CNTNAP1: variants seen among roughly 807,000 people sequenced by gnomAD.
The protein encoded by CNTNAP1 is contactin associated protein 1.
A neutral mutation model predicts 161.5 loss-of-function variants in CNTNAP1; 80 were observed. The ratio of observed to expected loss-of-function variants is 0.50; its 90% confidence interval spans 0.41 to 0.60. The LOEUF is 0.60. CNTNAP1 is among the 20% of genes least tolerant of loss of function. The pLI, the probability that CNTNAP1 is intolerant of heterozygous loss-of-function variation, is 0.00. For missense variants in CNTNAP1, 1,464 were observed against 1,854.8 expected, an observed-to-expected ratio of 0.79 and a Z score of 3.87; for synonymous variants, 695 against 733.1, an observed-to-expected ratio of 0.95 and a Z score of 0.84.
Position 42,689,044 on chromosome 17 carries a change from A to T in CNTNAP1, c.1625A>T (p.Asp542Val). Residue 542 changes from aspartate to valine, a missense_variant, in exon 10 of 24, where the codon GAT becomes GTT. Coordinates refer to ENST00000264638, the MANE Select transcript of CNTNAP1 (RefSeq NM_003632.3). The part of the protein sequence containing the change: ...EVLFDTCGIT[D>V]RCSPNMCEHD... The stretch of plus-strand genomic sequence containing the variant: ...CTCTTTGATACATGTGGCATCACTG[A>T]TAGGTACCCAGAAGCCCCTAACAAG... The T allele has an allele frequency of 6.4e-7, 1 of 1,572,252 alleles. No homozygotes were observed. The highest frequency in any genetic ancestry group is 8.6e-7 in the Non-Finnish European group (1 of 1,157,126).
intron 6 of CNTNAP1, among the ~76,000 whole-genome samples, chr17:42,686,605 C>T (rs1033221111): frequency 2.0e-5 from 3 of 150,214 alleles, no homozygotes; most frequent in Non-Finnish European, 4.4e-5. Flanking sequence ...AAATTGTTCC[C>T]TTGGATCCTC....
intron 20 of CNTNAP1, 51 bp from the exon 21 acceptor site, chr17:42,697,223 C>T (rs371907134): frequency 1.5e-6 from 2 of 1,313,744 alleles, no homozygotes; most frequent in Non-Finnish European, 2.2e-6. Flanking sequence ...CAGGCATCTG[C>T]TTCTGGTCCC....
chr17:42,683,412 G>T, intron 1 of CNTNAP1: 1 of 1,091,850 alleles, frequency 9.2e-7, no homozygotes. Flanking sequence ...TGGGTGCAAG[G>T]CCTGTATTTG....
At chr17:42,697,857 T>C (rs1225776307) in intron 22 of CNTNAP1, 46 bp from the exon 23 acceptor site, 1 of 1,614,204 alleles carries the variant, frequency 6.2e-7, no homozygotes, top group Admixed American at 1.7e-5. Context: ...GGAATGATTC[T>C]TAACATGGAG....
In CNTNAP1 at chr17:42,695,885, CCGGGCTCTCT is replaced by C. The variant is rs1313036635; in HGVS notation, c.3346+13_3346+22del. ...TCATCAAGGATGATGGTAAGCTCTC[CCGGGCTCTCT>C]CACCCCACTCCAGCTTCACCCCGGT... is the stretch of plus-strand genomic sequence containing the variant. On this transcript the variant is annotated intron_variant, in intron 19 of 23. Transcript: ENST00000264638. The C allele has an allele frequency of 6.2e-7, 1 of 1,606,288 alleles. No homozygotes were observed.
rs144659252 is a variant in CNTNAP1, at chr17:42,692,636, C to G, written c.2668C>G (p.Arg890Gly). The G allele has an allele frequency of 2.5e-6, 4 of 1,614,216 alleles. No homozygotes were observed. The highest frequency in any genetic ancestry group is 3.4e-6 in the Non-Finnish European group (4 of 1,180,050). The part of the protein sequence containing the change: ...AEINVKQARL[R>G]VDHRPWVLRP... The stretch of plus-strand genomic sequence containing the variant: ...AATCAACGTGAAGCAGGCCCGGCTC[C>G]GAGTGGATCACCGGCCCTGGGTTCT... Residue 890 changes from arginine (R) to glycine (G), a missense_variant, in exon 17 of 24, where the codon CGA becomes GGA. Coordinates refer to ENST00000264638, the MANE Select transcript of CNTNAP1 (RefSeq NM_003632.3).
chr17:42,691,570 C>T lies in CNTNAP1; in HGVS notation c.2344+59C>T, dbSNP rs1158314686. ...GAGCTGACTCTCCAGTTTCCAAAATCTAGGCCGCATGTCACTGGTGGTCTC... is the reference window on the plus strand; with the variant it reads ...GAGCTGACTCTCCAGTTTCCAAAATTTAGGCCGCATGTCACTGGTGGTCTC... On this transcript the variant is annotated intron_variant, in intron 15 of 23. Transcript: ENST00000264638. The surrounding 1 kb of genome is among the most constrained non-coding windows in gnomAD (Gnocchi z 4.3). The T allele has an allele frequency of 7.5e-6, 12 of 1,602,804 alleles. No homozygotes were observed. Among genetic ancestry groups the T allele is most frequent in the Admixed American group, 1.7e-5 (1 of 59,120 alleles).
At chr17:42,686,811 T>G in intron 6 of CNTNAP1, 92 bp from the exon 7 acceptor site, 1 of 1,412,582 alleles carries the variant, frequency 7.1e-7, no homozygotes, top group Admixed American at 2.2e-5. Context: ...CAAAACCCCA[T>G]CTGGCATTTG....
chr17:42,698,627 C>A lies in CNTNAP1; in HGVS notation c.3872C>A (p.Ala1291Asp). The A allele has an allele frequency of 6.3e-7, 1 of 1,595,430 alleles. No homozygotes were observed. Among genetic ancestry groups the A allele is most frequent in the Non-Finnish European group, 8.6e-7 (1 of 1,166,954 alleles). The change falls in exon 24 of 24, where the codon GCC becomes GAC. Residue 1291 changes from alanine (A) to aspartate (D), a missense_variant. This residue lies in a region of CNTNAP1 where 1,383 missense variants were observed against 1,765.0 expected (regional missense o/e 0.78). Transcript: ENST00000264638. ...WVAILLGFLV[A>D]FLLLGLVGML... is the part of the protein sequence containing the mutation. The stretch of plus-strand genomic sequence containing the variant: ...CTTTTCTTCTTTTCAGTTTTGGTGG[C>A]CTTTCTGCTGCTGGGGCTGGTGGGA...
rs1340417620 is a variant in CNTNAP1, at chr17:42,686,082, G to A, written c.841G>A (p.Gly281Ser). The change falls in exon 6 of 24, where the codon GGC becomes AGC. Residue 281 changes from glycine to serine, a missense_variant. This residue lies in a region of CNTNAP1 where 1,383 missense variants were observed against 1,765.0 expected (regional missense o/e 0.78). Transcript: ENST00000264638. ...CCGCGATGTAAATTTCACCCTGGAC[G>A]GCTATGTGCAGCGCTTTATTCTCAA... Reference protein sequence around the residue: ...FGRDVNFTLDGYVQRFILNGD... With the variant: ...FGRDVNFTLDSYVQRFILNGD... The A allele has an allele frequency of 5.6e-6, 9 of 1,614,092 alleles. No individual in the cohort carries two copies. Among genetic ancestry groups the A allele is most frequent in the East Asian group, 2.2e-5 (1 of 44,902 alleles).
Position 42,687,157 on chromosome 17 carries a change from T to A in CNTNAP1, c.1044+111T>A, listed in dbSNP as rs2053028880. 4.2e-6 allele frequency: 6 copies of A among 1,442,304 alleles called. No homozygotes were observed. The South Asian group carries it at 7.9e-5, about 19-fold the overall frequency. The allele number at this position is 1,442,304 out of a possible 1,614,324, so 89.3% of individuals were successfully genotyped here. A position where few individuals can be genotyped will look rare whatever the true frequency, so the allele number is the denominator to read the frequency against. On this transcript the variant is annotated intron_variant, in intron 7 of 23. Transcript: ENST00000264638. This position sits in a 1 kb window ranked among gnomAD's most constrained non-coding sequence, Gnocchi z 4.7. ...CAGATAAAAGCGGAGAATCCCTCTG[T>A]CCCCAGCCAGATGCTCAAGTTGGGA...
intron 12 of CNTNAP1, among the ~76,000 whole-genome samples, chr17:42,690,513 G>T (rs2053071008): frequency 8.0e-6 from 1 of 124,808 alleles, no homozygotes; most frequent in East Asian, 2.3e-4. Context: ...AACAGAGCGA[G>T]ACTTCATCTC....
At position 42,696,132 on chromosome 17, in the gene CNTNAP1, T is replaced by G. The variant is rs1410422291; in HGVS notation, c.3454T>G (p.Tyr1152Asp). 6.2e-7 allele frequency: 1 copy of G among 1,614,172 alleles called. No individual in the cohort carries two copies. The highest frequency in any genetic ancestry group is 1.7e-5 in the Admixed American group (1 of 60,018). Reference sequence around the variant, plus strand: ...CCATAGCATCAATATCACCCGTGTTTACCGGAACCTCTTCATCCAGGTATG... The same window carrying G: ...CCATAGCATCAATATCACCCGTGTTGACCGGAACCTCTTCATCCAGGTATG... ...QPHSINITRVYRNLFIQVDYF... is the reference protein window; with the variant it reads ...QPHSINITRVDRNLFIQVDYF... Residue 1152 changes from tyrosine (Y) to aspartate (D), a missense_variant, in exon 20 of 24, where the codon TAC (tyrosine) becomes GAC (aspartate). Around this residue, in one of 3 missense-constraint regions of CNTNAP1, gnomAD observed 1,383 missense variants for 1,765.0 expected, o/e 0.78. Transcript: ENST00000264638.
chr17:42,690,903 G>C lies in CNTNAP1; in HGVS notation c.2020G>C (p.Glu674Gln), dbSNP rs947366339. 6.2e-7 allele frequency: 1 copy of C among 1,614,162 alleles called. No homozygotes were observed. Among genetic ancestry groups the C allele is most frequent in the South Asian group, 1.1e-5 (1 of 91,084 alleles). ...NASQHCEQWI[E>Q]FSCYNSRLLN... ...TTCCCAGCATTGTGAACAGTGGATC[G>C]AGTTCTCCTGCTACAATTCCCGGCT... The change falls in exon 13 of 24, where the codon GAG becomes CAG. Residue 674 changes from glutamate (E) to glutamine (Q), a missense_variant. Transcript: ENST00000264638.
chr17:42,682,927 T>C (rs1272274424), intron 1 of CNTNAP1, 31 bp downstream of exon 1: 1 of 1,577,124 alleles, frequency 6.3e-7, no homozygotes, highest in Non-Finnish European at 8.6e-7. Context: ...CAGGTGGGGT[T>C]GGGCCCAGGA....
At chr17:42,693,018 A>G (rs558068702) in intron 17 of CNTNAP1, among the ~76,000 whole-genome samples, 52 of 145,564 alleles carry the variant, frequency 3.6e-4, no homozygotes, top group Admixed American at 7.0e-4. Flanking sequence ...GTGCAGTGGC[A>G]CGATCTCGGC....
In CNTNAP1 at chr17:42,690,619, A is replaced by G. The variant is rs2053072589; in HGVS notation, c.1856-120A>G. 5 of 928,906 alleles carry G rather than the reference A, an allele frequency of 5.4e-6. No homozygotes were observed. The Admixed American group carries it at 9.4e-5, about 17-fold the overall frequency. 57.5% of individuals were successfully genotyped at this position (928,906 alleles called of 1,614,324 possible). ...TGCAGAGTGCCCAGGGCAGAGGTGG[A>G]ATGGAGCTGCTGGCCACGTTCAGTG... On this transcript the variant is annotated intron_variant, in intron 12 of 23. Transcript: ENST00000264638.
In CNTNAP1 at chr17:42,699,540, G is replaced by T. The variant is rs1449456117; in HGVS notation, c.*630G>T. The T allele has an allele frequency of 6.5e-6, 1 of 152,712 alleles. No individual in the cohort carries two copies. The highest frequency in any genetic ancestry group is 2.4e-5 in the African/African-American group (1 of 41,428). 9.5% of individuals were successfully genotyped at this position (152,712 alleles called of 1,614,324 possible). On this transcript the variant is annotated 3_prime_UTR_variant, in exon 24 of 24. Coordinates refer to ENST00000264638, the MANE Select transcript of CNTNAP1 (RefSeq NM_003632.3). ...GCCAAAGCCATAAAAAACCTGCAAC[G>T]TAGAGAAAATAATGCAGATACCCTG...
Position 42,687,116 on chromosome 17 carries a change from A to G in CNTNAP1, c.1044+70A>G, listed in dbSNP as rs918187224. ...GTGGAAAGCAAAGAGGTGGAGCGGG[A>G]AGAGATATTGAACATCAGATAAAAG... On this transcript the variant is annotated intron_variant, in intron 7 of 23. Coordinates refer to ENST00000264638, the MANE Select transcript of CNTNAP1 (RefSeq NM_003632.3). The surrounding 1 kb of genome is among the most constrained non-coding windows in gnomAD (Gnocchi z 4.7). 1.5e-5 allele frequency: 24 copies of G among 1,562,642 alleles called. No homozygotes were observed. The African/African-American group carries it at 2.6e-4, about 17-fold the overall frequency.
Sources: gnomAD v4.1 joint callset for allele counts (sites outside exome capture counted in the v4.1 genomes callset) on GRCh38, gnomAD v4.1.1 for gene constraint, gnomAD v4.1.1 regional missense constraint, Gnocchi (gnomAD v3.1) non-coding constraint, MANE v1.5 for transcripts, NCBI Gene and HGNC (gene_info 2026-07-23, HGNC 2026-07-21) for gene names.